The following MYRFL variants were observed in gnomAD, a reference collection of about 807,000 sequenced individuals.
MYRFL encodes myelin regulatory factor-like protein.
In MYRFL, 88 loss-of-function variants were observed where a neutral mutation model predicts 109.4. That is an observed-to-expected ratio of 0.80 (90% CI 0.68 to 0.96). MYRFL has a LOEUF of 0.96. Ranked by LOEUF, MYRFL falls within the 40% of genes least tolerant of loss-of-function variation. MYRFL has a pLI of 0.00. For synonymous variants in MYRFL, 324 were observed against 320.9 expected, an observed-to-expected ratio of 1.01 and a Z score of -0.10; for missense variants, 957 against 954.9, an observed-to-expected ratio of 1.00 and a Z score of -0.03.
intron 1 of MYRFL, among the ~76,000 whole-genome samples, chr12:69,831,809 A>G (rs1396551402): frequency 6.6e-6 from 1 of 152,170 alleles, no homozygotes; most frequent in Admixed American, 6.5e-5. Flanking sequence ...AAGTGGCTGC[A>G]AGGTCATTTA....
At chr12:69,881,029 C>A (rs78110896) in intron 5 of MYRFL, among the ~76,000 whole-genome samples, 5,103 of 135,110 alleles carry the variant, frequency 0.038, 108 homozygotes, top group Non-Finnish European at 0.052. Flanking sequence ...AACAAAGTAG[C>A]CTTTTGAAGT....
At chr12:69,831,648 C>G (rs1882638812) in intron 1 of MYRFL, among the ~76,000 whole-genome samples, 1 of 152,104 alleles carries the variant, frequency 6.6e-6, no homozygotes, top group Admixed American at 6.6e-5. Context: ...CACAGAGAGA[C>G]AGTAATTTTT....
At chr12:69,884,462 G>A (rs2136334950) in intron 5 of MYRFL, among the ~76,000 whole-genome samples, 1 of 152,288 alleles carries the variant, frequency 6.6e-6, no homozygotes. Flanking sequence ...ATGACAAAGG[G>A]CAGGAAATGC....
chr12:69,930,828 A>AG (rs1041242767), intron 15 of MYRFL, among the ~76,000 whole-genome samples: 1 of 151,478 alleles, frequency 6.6e-6, no homozygotes, highest in African/African-American at 2.4e-5. Flanking sequence ...AAAAAAAAAA[A>AG]AAAGAACACG....
At chr12:69,891,637 T>TTCTTTCTTTCTTTC in intron 7 of MYRFL, among the ~76,000 whole-genome samples, 14 of 53,820 alleles carry the variant, frequency 2.6e-4, no homozygotes, top group African/African-American at 5.7e-4. Flanking sequence ...CTTCCTTTCT[T>TTCTTTCTTTCTTTC]TTTCTTTCTT....
intron 13 of MYRFL, among the ~76,000 whole-genome samples, chr12:69,920,063 A>G (rs997616341): frequency 6.6e-6 from 1 of 152,152 alleles, no homozygotes; most frequent in African/African-American, 2.4e-5. Context: ...TGGACCCAGG[A>G]GCTTCCAAGC....
rs146134255 is a variant in MYRFL at position 69,836,123 on chromosome 12, C to T, written c.46+10560C>T. Among the ~76,000 whole-genome samples the T allele has an allele frequency of 6.6e-5, 10 of 152,276 alleles. No homozygotes were observed. The East Asian group carries it at 1.7e-3, about 27-fold the overall frequency. On this transcript the variant is annotated intron_variant, in intron 1 of 24. Transcript: ENST00000552032. ...GGGAACCAGAAGGGAGTTGGTTTTC[C>T]CACTCAGTGGCCCGGATTGCCCTGG...
At chr12:69,875,977 G>A (rs1325944704) in intron 2 of MYRFL, among the ~76,000 whole-genome samples, 1 of 152,150 alleles carries the variant, frequency 6.6e-6, no homozygotes, top group Non-Finnish European at 1.5e-5. Context: ...TTTGTCTCGG[G>A]AAGTAACTCA....
intron 1 of MYRFL, among the ~76,000 whole-genome samples, chr12:69,832,945 TGTGTGTGTGTG>T (rs1458606829): frequency 0.13 from 29 of 224 alleles, no homozygotes; most frequent in Admixed American, 0.17. Flanking sequence ...GGAACAGGCT[TGTGTGTGTGTG>T]TGTGTGTGTG....
intron 1 of MYRFL, among the ~76,000 whole-genome samples, chr12:69,842,778 C>G (rs1214978179): frequency 6.6e-6 from 1 of 152,216 alleles, no homozygotes; most frequent in South Asian, 2.1e-4. Context: ...AAAAAGCCCT[C>G]TCAGGTGTCA....
intron 15 of MYRFL, among the ~76,000 whole-genome samples, chr12:69,929,638 A>G (rs1428419636): frequency 6.6e-6 from 1 of 152,220 alleles, no homozygotes; most frequent in Non-Finnish European, 1.5e-5. Flanking sequence ...TAATAACAAT[A>G]TCTAAGTTGT....
intron 1 of MYRFL, among the ~76,000 whole-genome samples, chr12:69,854,775 G>T (rs149058570): frequency 7.2e-5 from 11 of 152,190 alleles, no homozygotes; most frequent in Admixed American, 7.2e-4. Context: ...TAAAGTCTGG[G>T]CTTTTAGTGT....
Position 69,903,757 on chromosome 12 carries a change from C to T in MYRFL, c.1296C>T (p.Asp432=), listed in dbSNP as rs1199743794. Residue 432 remains aspartate, a synonymous_variant, in exon 11 of 25, where the codon GAC becomes GAT. Coordinates refer to ENST00000552032, the MANE Select transcript of MYRFL (RefSeq NM_182530.3). ...TAGGAATCAACACAGATGCGCCGGA[C>T]GAAGCCCTGGTTGTCTGTGGCAACA... is the stretch of plus-strand genomic sequence containing the variant. ...GRVGINTDAP[D]EALVVCGNMK... 73 of 1,535,802 alleles carry T rather than the reference C, an allele frequency of 4.8e-5. No individual in the cohort carries two copies. Among genetic ancestry groups the T allele is most frequent in the Admixed American group, 2.0e-4 (10 of 50,992 alleles).
chr12:69,873,297 C>T (rs570060963), intron 2 of MYRFL, among the ~76,000 whole-genome samples: 57 of 152,092 alleles, frequency 3.7e-4, no homozygotes, highest in Non-Finnish European at 7.2e-4. Context: ...TACAAGTTTA[C>T]AAATTTGTGT....
chr12:69,924,724 T>G (rs1036315609), intron 13 of MYRFL, among the ~76,000 whole-genome samples: 1 of 152,230 alleles, frequency 6.6e-6, no homozygotes, highest in Non-Finnish European at 1.5e-5. Context: ...AGGAAAAATA[T>G]AGGGTTTTCT....
chr12:69,886,923 C>T lies in MYRFL; in HGVS notation c.660C>T (p.Cys220=). 2 of 1,535,832 alleles carry T rather than the reference C, an allele frequency of 1.3e-6. No individual in the cohort carries two copies. Among genetic ancestry groups the T allele is most frequent in the Non-Finnish European group, 1.7e-6 (2 of 1,146,702 alleles). ...CTCCTGCTCTGAAGTGGCAACCATG[C>T]CATAGTGTTCCTTGGCACAGCTTAT... is the stretch of plus-strand genomic sequence containing the variant. ...QCSPALKWQP[C]HSVPWHSLLN... Residue 220 remains cysteine, a synonymous_variant, in exon 6 of 25, where the codon TGC becomes TGT. Coordinates refer to ENST00000552032, the MANE Select transcript of MYRFL (RefSeq NM_182530.3).
intron 2 of MYRFL, among the ~76,000 whole-genome samples, chr12:69,870,342 C>G (rs1457120636): frequency 6.6e-6 from 1 of 150,638 alleles, no homozygotes; most frequent in East Asian, 2.0e-4. Context: ...CCTCCCGAAT[C>G]TCTTGATTTT....
At position 69,936,547 on chromosome 12, in the gene MYRFL, C is replaced by T; in HGVS notation, c.2139C>T (p.Cys713=). Residue 713 remains cysteine, a synonymous_variant, in exon 19 of 25, where the codon TGC becomes TGT. Transcript: ENST00000552032. ...EILPCQETYC[C]PIRGMKEVSS... The stretch of plus-strand genomic sequence containing the variant: ...TGCCGTGTCAGGAGACTTATTGCTG[C>T]CCCATCCGGGGAATGAAAGAAGTCT... The T allele has an allele frequency of 6.5e-7, 1 of 1,536,152 alleles. No homozygotes were observed. The highest frequency in any genetic ancestry group is 8.7e-7 in the Non-Finnish European group (1 of 1,146,908).
intron 19 of MYRFL, 59 bp downstream of exon 19, chr12:69,936,691 C>T: frequency 7.2e-7 from 1 of 1,389,644 alleles, no homozygotes; most frequent in South Asian, 1.6e-5. Flanking sequence ...TTTTTCTTGT[C>T]ACAATTTACT....
Sources: allele counts gnomAD v4.1 joint callset (sites outside exome capture counted in the v4.1 genomes callset), GRCh38; gene constraint gnomAD v4.1.1; transcripts MANE v1.5; gene names NCBI Gene and HGNC (gene_info 2026-07-23, HGNC 2026-07-21).